Variants in PROSER3 observed in about 807,000 individuals in gnomAD.
The protein encoded by PROSER3 is proline and serine-rich protein 3.
Under a neutral mutation model 50.2 loss-of-function variants are expected in PROSER3, and 33 were observed. The observed-to-expected ratio is 0.66, with a 90% CI of 0.50 to 0.88. The LOEUF is 0.88. PROSER3 is among the 40% of genes least tolerant of loss of function. The pLI, the probability that PROSER3 is intolerant of heterozygous loss-of-function variation, is 0.00. For synonymous variants in PROSER3, 266 were observed against 259.3 expected, an observed-to-expected ratio of 1.03 and a Z score of -0.25; for missense variants, 623 against 612.7, an observed-to-expected ratio of 1.02 and a Z score of -0.18.
At chr19:35,767,153 C>G in intron 8 of PROSER3, 1 of 635,340 alleles carries the variant, frequency 1.6e-6, no homozygotes, top group Non-Finnish European at 2.5e-6. Context: ...TGTGGCCCAG[C>G]CTGGTCCACC....
At chr19:35,765,065 A>C in exon 7 of PROSER3, 1 of 1,613,496 alleles carries the variant, frequency 6.2e-7, no homozygotes, top group Non-Finnish European at 8.5e-7. Context: ...CTCCTCCCTC[A>C]GCCCCAGCGA....
rs577319011 is a variant in PROSER3 at position 35,764,158 on chromosome 19, G to T, written c.544-696G>T. ...TCACAATAGCCAGGATGGTCCTTGGGGTCTCTAGGCTCCCATGGTCCTGGC... is the reference window on the plus strand; with the variant it reads ...TCACAATAGCCAGGATGGTCCTTGGTGTCTCTAGGCTCCCATGGTCCTGGC... On this transcript the variant is annotated intron_variant, in intron 5 of 10. Coordinates refer to ENST00000396908, the Ensembl canonical transcript of PROSER3. Among the ~76,000 whole-genome samples the T allele has an allele frequency of 9.9e-5, 15 of 152,192 alleles. No individual in the cohort carries two copies. In the East Asian group the frequency reaches 2.7e-3, roughly 28 times the overall value.
intron 3 of PROSER3, among the ~76,000 whole-genome samples, chr19:35,761,523 G>A (rs551421926): frequency 7.2e-5 from 11 of 152,260 alleles, no homozygotes; most frequent in African/African-American, 2.2e-4. Context: ...TTAGCCGGGC[G>A]TGGTGGTGCA....
intron 3 of PROSER3, among the ~76,000 whole-genome samples, chr19:35,761,810 A>G (rs748918588): frequency 5.3e-5 from 8 of 152,140 alleles, no homozygotes; most frequent in Admixed American, 3.9e-4. Flanking sequence ...GCAGTGAGCT[A>G]TGATTGCACC....
At chr19:35,767,995 G>T (rs772441899) in exon 9 of PROSER3, 2 of 1,571,444 alleles carry the variant, frequency 1.3e-6, no homozygotes, top group African/African-American at 2.7e-5. Flanking sequence ...CCCCGCCCCC[G>T]CCCGCTGCTG....
At chr19:35,758,251 A>T in intron 1 of PROSER3, 25 bp downstream of exon 1, 1 of 1,561,174 alleles carries the variant, frequency 6.4e-7, no homozygotes. Context: ...TCTTCCAGGG[A>T]CTACAGGAGG....
Position 35,758,357 on chromosome 19 carries a change from A to C in PROSER3, c.11+131A>C, listed in dbSNP as rs548356020. On this transcript the variant is annotated intron_variant, in intron 1 of 10. Coordinates refer to ENST00000396908, the Ensembl canonical transcript of PROSER3. Reference sequence around the variant, plus strand: ...CCACCGCACTGGAACTACAATTCCCAACATGCTCCACAGCCGTTGGCCTCT... The same window carrying C: ...CCACCGCACTGGAACTACAATTCCCCACATGCTCCACAGCCGTTGGCCTCT... 22 of 1,255,842 alleles carry C rather than the reference A, an allele frequency of 1.8e-5. No individual in the cohort carries two copies. The South Asian group carries it at 3.4e-4, about 20-fold the overall frequency. The allele number at this position is 1,255,842 out of a possible 1,614,324, so 77.8% of individuals were successfully genotyped here.
In PROSER3 at chr19:35,766,750, C is replaced by T; in HGVS notation, c.770-18C>T. 1 of 1,535,338 alleles carries T rather than the reference C, an allele frequency of 6.5e-7. No individual in the cohort carries two copies. Among genetic ancestry groups the T allele is most frequent in the Non-Finnish European group, 8.8e-7 (1 of 1,134,774 alleles). On this transcript the variant is annotated intron_variant, in intron 7 of 10. Coordinates refer to ENST00000396908, the Ensembl canonical transcript of PROSER3. Reference sequence around the variant, plus strand: ...CCTGGCCCCTGCCTCACCCTCTCCTCTCTACCTCCCCCTACAGCATCCCCG... The same window carrying T: ...CCTGGCCCCTGCCTCACCCTCTCCTTTCTACCTCCCCCTACAGCATCCCCG...
At chr19:35,770,231 T>A (rs973945113), downstream of PROSER3, among the ~76,000 whole-genome samples, 3 of 151,684 alleles carry the variant, frequency 2.0e-5, no homozygotes, top group African/African-American at 4.8e-5. Flanking sequence ...AGAGACGAGG[T>A]TTCACCATGT....
exon 11 of PROSER3, chr19:35,768,524 C>T (rs369535206): frequency 1.2e-4 from 188 of 1,596,672 alleles, no homozygotes; most frequent in Admixed American, 1.5e-4. Flanking sequence ...AAGGAGATTC[C>T]CTGGAGGCCA....
At chr19:35,770,062 G>A (rs369515972), downstream of PROSER3, among the ~76,000 whole-genome samples, 9 of 152,120 alleles carry the variant, frequency 5.9e-5, no homozygotes, top group Non-Finnish European at 8.8e-5. Flanking sequence ...GTGCCACCAC[G>A]CCTGGCTAAT....
rs1971171865 is a variant in PROSER3 at position 35,767,061 on chromosome 19, T to C, written c.957+106T>C. ...CTCTCTCTGTCTCAGATCTCTCTTA[T>C]CTGTCTACAGACCTCTCCTGCTCCA... On this transcript the variant is annotated intron_variant, in intron 8 of 10. Transcript: ENST00000396908. 3.7e-6 allele frequency: 5 copies of C among 1,345,584 alleles called. No homozygotes were observed. Among genetic ancestry groups the C allele is most frequent in the South Asian group, 2.9e-5 (2 of 67,982 alleles). The allele number at this position is 1,345,584 out of a possible 1,614,324, so 83.4% of individuals were successfully genotyped here. A position where few individuals can be genotyped will look rare whatever the true frequency, so the allele number is the denominator to read the frequency against.
chr19:35,768,704 C>T, exon 11 of PROSER3: 1 of 772,476 alleles, frequency 1.3e-6, no homozygotes, highest in Non-Finnish European at 1.9e-6. Context: ...TGCCCTGCCC[C>T]CCACCCCTTC....
At chr19:35,768,714 C>A in exon 11 of PROSER3, 1 of 684,898 alleles carries the variant, frequency 1.5e-6, no homozygotes, top group South Asian at 3.0e-5. Context: ...CCCACCCCTT[C>A]CTGACCACGG....
intron 5 of PROSER3, among the ~76,000 whole-genome samples, chr19:35,763,203 C>CA (rs2146588225): frequency 6.6e-6 from 1 of 151,594 alleles, no homozygotes; most frequent in African/African-American, 2.4e-5. Context: ...GGGCTCCATG[C>CA]CCCCCCTTTT....
chr19:35,762,031 G>A lies in PROSER3; in HGVS notation c.324G>A (p.Arg108=), dbSNP rs557780671. The change falls in exon 4 of 11, where the codon AGG becomes AGA. Residue 108 remains arginine (R), a synonymous_variant. Transcript: ENST00000396908. ...CTGATGTTCACAGGTATATAAACAG[G>A]TTCCGCCAGGCTCAGCCCACCAGTC... 6.8e-6 allele frequency: 11 copies of A among 1,607,878 alleles called. No homozygotes were observed. The Admixed American group carries it at 1.0e-4, about 15-fold the overall frequency.
chr19:35,767,913 C>T (rs754021457), exon 9 of PROSER3: 3 of 1,612,688 alleles, frequency 1.9e-6, no homozygotes, highest in Non-Finnish European at 1.7e-6. Flanking sequence ...GTCCCACTCT[C>T]TCCAGCTGAG....
chr19:35,764,394 C>T (rs938336433), intron 5 of PROSER3, among the ~76,000 whole-genome samples: 6 of 152,050 alleles, frequency 3.9e-5, no homozygotes, highest in Middle Eastern at 3.2e-3. Context: ...CGGTGGCTCA[C>T]GCCTGTAATC....
Position 35,758,226 on chromosome 19 carries a change from G to A in PROSER3, c.11G>A (p.Ser4Asn), listed in dbSNP as rs1177268911. Residue 4 changes from serine (S) to asparagine (N), a missense_variant and splice_region_variant, in exon 1 of 11, where the codon AGC becomes AAC. Around this residue, in one of 3 missense-constraint regions of PROSER3, gnomAD observed 236 missense variants for 243.6 expected, o/e 0.97. Transcript: ENST00000396908. The stretch of plus-strand genomic sequence containing the variant: ...GGAGGGAGCCGCGGGATGGACCGCA[G>A]GTGAGGCCGATCGCTCTTCCAGGGA... 1.2e-5 allele frequency: 18 copies of A among 1,562,892 alleles called. No homozygotes were observed. The East Asian group carries it at 4.0e-4, about 35-fold the overall frequency.
Sources: allele counts gnomAD v4.1 joint callset (sites outside exome capture counted in the v4.1 genomes callset), GRCh38; gene constraint gnomAD v4.1.1; regional missense constraint gnomAD v4.1.1; transcripts MANE v1.5; gene names NCBI Gene and HGNC (gene_info 2026-07-23, HGNC 2026-07-21).